Variants in C1QTNF3 observed in about 807,000 individuals in gnomAD.
C1QTNF3 encodes C1q and TNF related 3, also known as complement C1q tumor necrosis factor-related protein 3.
In C1QTNF3, 26 loss-of-function variants were observed where a neutral mutation model predicts 32.6. That is an observed-to-expected ratio of 0.80 (90% CI 0.58 to 1.11). The LOEUF (loss-of-function observed/expected upper bound fraction) is 1.11, where lower values mean the gene tolerates loss of function less well. Among genes scored for constraint, C1QTNF3 ranks in the 50% least tolerant of loss-of-function variants. The pLI, the probability that C1QTNF3 is intolerant of heterozygous loss-of-function variation, is 0.00. For missense variants in C1QTNF3, 362 were observed against 398.2 expected (o/e 0.91, Z 0.77); for synonymous variants, 155 against 146.0 (o/e 1.06, Z -0.44).
chr5:34,056,593 G>A, the C1QTNF3 span, among the ~76,000 whole-genome samples: 3 of 149,900 alleles, frequency 2.0e-5, no homozygotes, highest in African/African-American at 7.4e-5. Flanking sequence ...GTTCCCTGCA[G>A]CCTTGACCTC....
the C1QTNF3 span, among the ~76,000 whole-genome samples, chr5:34,059,606 A>G: frequency 6.6e-6 from 1 of 152,188 alleles, no homozygotes; most frequent in African/African-American, 2.4e-5. Flanking sequence ...CACTAATCCC[A>G]TTTATGAGGG....
chr5:34,208,304 T>C, the C1QTNF3 span, among the ~76,000 whole-genome samples: 3 of 152,234 alleles, frequency 2.0e-5, no homozygotes, highest in Non-Finnish European at 4.4e-5. Context: ...CTTTTGTACT[T>C]ATATTTTCTC....
intron 1 of C1QTNF3, among the ~76,000 whole-genome samples, chr5:34,042,603 C>T (rs998093946): frequency 6.6e-6 from 1 of 152,130 alleles, no homozygotes; most frequent in African/African-American, 2.4e-5. Flanking sequence ...GGCCACTATC[C>T]CATCACATCA....
the C1QTNF3 span, among the ~76,000 whole-genome samples, chr5:34,235,623 T>C: frequency 6.6e-6 from 1 of 151,288 alleles, no homozygotes; most frequent in East Asian, 1.9e-4. Flanking sequence ...CACATTACCT[T>C]TTGCCTTTCC....
chr5:34,161,928 A>G, the C1QTNF3 span, among the ~76,000 whole-genome samples: 1 of 152,112 alleles, frequency 6.6e-6, no homozygotes, highest in Non-Finnish European at 1.5e-5. Context: ...TTTGGGTACA[A>G]CCATTTAATT....
the C1QTNF3 span, among the ~76,000 whole-genome samples, chr5:34,108,329 T>C: frequency 0.012 from 1,838 of 152,006 alleles, 21 homozygotes; most frequent in South Asian, 0.028. Context: ...GACTATGAAA[T>C]GGCTTTGTTT....
chr5:34,018,307 C>T lies in C1QTNF3; in HGVS notation c.*2276G>A, dbSNP rs1183402606. ...TACCAAAGCAAGAAATTGTCTCTGG[C>T]CATCAGATATTATCTTTTCCACAAG... On this transcript the variant is annotated 3_prime_UTR_variant, in exon 6 of 6. Coordinates refer to ENST00000382065, the MANE Select transcript of C1QTNF3 (RefSeq NM_181435.6). Among the ~76,000 whole-genome samples the T allele has an allele frequency of 6.6e-6, 1 of 152,044 alleles. No homozygotes were observed. Among genetic ancestry groups the T allele is most frequent in the Admixed American group, 6.6e-5 (1 of 15,266 alleles).
At chr5:34,243,567 G>C in the C1QTNF3 span, among the ~76,000 whole-genome samples, 2 of 152,200 alleles carry the variant, frequency 1.3e-5, no homozygotes, top group South Asian at 4.1e-4. Flanking sequence ...ATGAACCTAG[G>C]TGCCCATCAA....
chr5:34,226,607 A>C, the C1QTNF3 span, among the ~76,000 whole-genome samples: 1 of 151,016 alleles, frequency 6.6e-6, no homozygotes, highest in Non-Finnish European at 1.5e-5. Flanking sequence ...TGTACAGTTG[A>C]CTCCTGAACA....
the C1QTNF3 span, among the ~76,000 whole-genome samples, chr5:34,075,008 C>T: frequency 6.6e-6 from 1 of 151,598 alleles, no homozygotes; most frequent in Non-Finnish European, 1.5e-5. Context: ...TCAATTTAAA[C>T]CTGTACATAC....
chr5:34,212,409 C>G, the C1QTNF3 span, among the ~76,000 whole-genome samples: 7 of 152,154 alleles, frequency 4.6e-5, no homozygotes, highest in Admixed American at 6.5e-5. Context: ...CAAATGGGAT[C>G]TCATTAAACT....
At chr5:34,085,262 T>G in the C1QTNF3 span, among the ~76,000 whole-genome samples, 1 of 150,534 alleles carries the variant, frequency 6.6e-6, no homozygotes, top group Non-Finnish European at 1.5e-5. Context: ...CCCAACGTGC[T>G]GGGATTACAG....
chr5:34,184,715 CAAAAA>C, the C1QTNF3 span, among the ~76,000 whole-genome samples: 2 of 129,558 alleles, frequency 1.5e-5, no homozygotes, highest in African/African-American at 5.6e-5. Context: ...GACTCTGTCT[CAAAAA>C]AAAAAAAAAA....
At chr5:34,157,735 C>G in the C1QTNF3 span, among the ~76,000 whole-genome samples, 6 of 152,132 alleles carry the variant, frequency 3.9e-5, no homozygotes, top group Admixed American at 6.5e-5. Flanking sequence ...CTGTAAAAGT[C>G]AAGGAAATAA....
the C1QTNF3 span, among the ~76,000 whole-genome samples, chr5:34,132,404 A>AC: frequency 1.3e-4 from 10 of 75,678 alleles, no homozygotes; most frequent in Non-Finnish European, 2.8e-4. Flanking sequence ...AACAACAACA[A>AC]AAATATATAT....
At chr5:34,157,507 A>G in the C1QTNF3 span, among the ~76,000 whole-genome samples, 2 of 152,212 alleles carry the variant, frequency 1.3e-5, no homozygotes, top group Admixed American at 1.3e-4. Context: ...GCCATGTTGA[A>G]TGAGATTTTG....
rs772028694 is a variant in C1QTNF3 at position 34,020,587 on chromosome 5, T to C, written c.956A>G (p.Lys319Arg). Residue 319 changes from lysine to arginine, a missense_variant, in exon 6 of 6, where the codon AAG becomes AGG. Coordinates refer to ENST00000382065, the MANE Select transcript of C1QTNF3 (RefSeq NM_181435.6). ...TFAGFLLFET[K>R] ...GGAGCTATTCTAGTCATATATTTAC[T>C]TAGTTTCAAAGAGCAGGAATCCTGC... 1.5e-5 allele frequency: 25 copies of C among 1,613,924 alleles called. No individual in the cohort carries two copies.
At chr5:34,107,975 C>T in the C1QTNF3 span, among the ~76,000 whole-genome samples, 1 of 152,086 alleles carries the variant, frequency 6.6e-6, no homozygotes, top group South Asian at 2.1e-4. Context: ...TTTGCTTCTG[C>T]TGTTCTTCTT....
chr5:34,045,267 T>C (rs1341316603), upstream of C1QTNF3, among the ~76,000 whole-genome samples: 3 of 152,228 alleles, frequency 2.0e-5, no homozygotes, highest in Non-Finnish European at 4.4e-5. Context: ...TTTTCAATCC[T>C]GTCATCTATT....
Sources: gnomAD v4.1 joint callset for allele counts (sites outside exome capture counted in the v4.1 genomes callset) on GRCh38, gnomAD v4.1.1 for gene constraint, MANE v1.5 for transcripts, NCBI Gene and HGNC (gene_info 2026-07-23, HGNC 2026-07-21) for gene names.